PDE4D: variants seen among roughly 807,000 people sequenced by gnomAD.
PDE4D encodes phosphodiesterase 4D.
PDE4D carries 24 observed loss-of-function variants against 87.4 expected under a neutral mutation model. The observed-to-expected ratio is 0.27, with a 90% CI of 0.20 to 0.39. PDE4D has a LOEUF of 0.39. Among genes scored for constraint, PDE4D ranks in the 10% least tolerant of loss-of-function variants. The probability of loss-of-function intolerance (pLI) is 1.00; values close to 1 mark genes in which losing one functional copy is unlikely to be tolerated. For missense variants in PDE4D, 714 were observed against 1,041.0 expected (o/e 0.69, Z 4.32); for synonymous variants, 384 against 383.2 (o/e 1.00, Z -0.02).
chr5:59,278,964 G>A (rs531995570), intron 1 of PDE4D, among the ~76,000 whole-genome samples: 3 of 152,122 alleles, frequency 2.0e-5, no homozygotes, highest in African/African-American at 7.2e-5. Flanking sequence ...TTTATCCATG[G>A]ATTAAACATT....
intron 2 of PDE4D, among the ~76,000 whole-genome samples, chr5:60,172,571 G>C (rs1783564359): frequency 6.6e-6 from 1 of 152,034 alleles, no homozygotes; most frequent in South Asian, 2.1e-4. Flanking sequence ...TCTCTTCCCA[G>C]CTTGAGGCAA....
At chr5:59,330,556 C>A (rs996919977) in intron 1 of PDE4D, among the ~76,000 whole-genome samples, 3 of 152,198 alleles carry the variant, frequency 2.0e-5, no homozygotes, top group Non-Finnish European at 4.4e-5. Context: ...ACATTCAAAT[C>A]ACCAAGCTAC....
chr5:59,603,248 A>G (rs295953), intron 1 of PDE4D, among the ~76,000 whole-genome samples: 131,079 of 151,938 alleles, frequency 0.86, 56,603 homozygotes, highest in South Asian at 0.93. Flanking sequence ...TTTACAAGCT[A>G]TACCTCTAAT....
At chr5:59,331,900 C>A (rs542274609) in intron 1 of PDE4D, among the ~76,000 whole-genome samples, 3 of 152,154 alleles carry the variant, frequency 2.0e-5, no homozygotes, top group Non-Finnish European at 2.9e-5. Context: ...CTTACTTTAG[C>A]GCCAGCTTTT....
At position 60,042,522 on chromosome 5, in the gene PDE4D, C is replaced by T. The variant is rs375163068; in HGVS notation, c.43-53805G>A. On this transcript the variant is annotated intron_variant, in intron 2 of 16. Transcript: ENST00000502484. The stretch of plus-strand genomic sequence containing the variant: ...CTGGGAGATACTTCCCAGCAGGGGT[C>T]GACAGACACCTCATACAGGAGAGAT... Among the ~76,000 whole-genome samples, 57 of 152,266 alleles carry T rather than the reference C, an allele frequency of 3.7e-4. 1 individual carries two copies. The highest frequency in any genetic ancestry group is 2.1e-3 in the East Asian group (11 of 5,172).
intron 1 of PDE4D, among the ~76,000 whole-genome samples, chr5:59,223,317 AG>A (rs1174404901): frequency 6.6e-6 from 1 of 152,202 alleles, no homozygotes; most frequent in African/African-American, 2.4e-5. Context: ...TATAATGAGC[AG>A]AAACAGTCCT....
intron 1 of PDE4D, among the ~76,000 whole-genome samples, chr5:60,427,287 G>C (rs1268414761): frequency 6.6e-6 from 1 of 152,102 alleles, no homozygotes; most frequent in Admixed American, 6.5e-5. Flanking sequence ...AAGATAAAGA[G>C]GAAATATTAA....
At chr5:59,896,461 C>G (rs981865051), upstream of PDE4D, among the ~76,000 whole-genome samples, 1 of 152,014 alleles carries the variant, frequency 6.6e-6, no homozygotes, top group Non-Finnish European at 1.5e-5. Context: ...ACACAAAGAC[C>G]CAGGCTCCAT....
intron 1 of PDE4D, among the ~76,000 whole-genome samples, chr5:60,300,770 T>C (rs1753821212): frequency 1.3e-5 from 2 of 151,890 alleles, no homozygotes; most frequent in Non-Finnish European, 2.9e-5. Context: ...ATCTGTTCTT[T>C]TTTTTTTTCT....
chr5:60,278,873 ACT>A (rs1417645318), intron 1 of PDE4D, among the ~76,000 whole-genome samples: 2 of 151,942 alleles, frequency 1.3e-5, no homozygotes, highest in Non-Finnish European at 2.9e-5. Context: ...TTGTCAAATA[ACT>A]CTAACACCTC....
At chr5:59,423,880 A>G (rs377557593) in intron 1 of PDE4D, among the ~76,000 whole-genome samples, 1 of 150,606 alleles carries the variant, frequency 6.6e-6, no homozygotes, top group Non-Finnish European at 1.5e-5. Flanking sequence ...TCATGATGGC[A>G]TTTTAGAAAG....
At chr5:59,865,029 C>T (rs1746813493) in intron 1 of PDE4D, among the ~76,000 whole-genome samples, 1 of 152,140 alleles carries the variant, frequency 6.6e-6, no homozygotes, top group Non-Finnish European at 1.5e-5. Context: ...CTGGGACAGG[C>T]TCAGCCAAGA....
At chr5:59,283,576 C>T (rs1395170614) in intron 1 of PDE4D, among the ~76,000 whole-genome samples, 1 of 151,950 alleles carries the variant, frequency 6.6e-6, no homozygotes, top group African/African-American at 2.4e-5. Context: ...CTAATTTTTC[C>T]CACCCTATAT....
At chr5:59,457,043 A>G (rs1164737581) in intron 1 of PDE4D, among the ~76,000 whole-genome samples, 4 of 152,266 alleles carry the variant, frequency 2.6e-5, no homozygotes, top group Admixed American at 1.3e-4. Flanking sequence ...ATATAAACTT[A>G]GCTGATACAG....
intron 1 of PDE4D, among the ~76,000 whole-genome samples, chr5:59,384,401 C>T (rs1786544661): frequency 6.6e-6 from 1 of 152,112 alleles, no homozygotes; most frequent in East Asian, 1.9e-4. Context: ...TGAGACTCTC[C>T]ATCTCTTCCC....
intron 5 of PDE4D, among the ~76,000 whole-genome samples, chr5:59,068,897 G>T (rs936561921): frequency 6.6e-6 from 1 of 152,094 alleles, no homozygotes; most frequent in African/African-American, 2.4e-5. Context: ...TCATCAAATT[G>T]TAATTATTAT....
chr5:59,766,076 A>G (rs1762754642), intron 1 of PDE4D, among the ~76,000 whole-genome samples: 1 of 152,244 alleles, frequency 6.6e-6, no homozygotes, highest in Non-Finnish European at 1.5e-5. Flanking sequence ...TATTTATGTC[A>G]GAACAATTTG....
rs1561762141 is a variant in PDE4D, at chr5:59,849,230, T to C, written c.455+43938A>G. Among the ~76,000 whole-genome samples the C allele has an allele frequency of 3.3e-5, 5 of 152,124 alleles. No individual in the cohort carries two copies. In the South Asian group the frequency reaches 1.0e-3, roughly 31 times the overall value. On this transcript the variant is annotated intron_variant, in intron 1 of 14. Coordinates refer to ENST00000340635, the MANE Select transcript of PDE4D (RefSeq NM_001104631.2). ...TCATCTGGAAAACTAAAAAAAATTA[T>C]AGAATGCTTTTTCAAGAAAAAAATC... is the stretch of plus-strand genomic sequence containing the variant.
intron 2 of PDE4D, among the ~76,000 whole-genome samples, chr5:59,208,193 G>A (rs1321984859): frequency 1.3e-5 from 2 of 151,954 alleles, no homozygotes; most frequent in Non-Finnish European, 2.9e-5. Context: ...AGAAGTGAGT[G>A]CAAATACTGA....
Sources: allele counts gnomAD v4.1 joint callset (sites outside exome capture counted in the v4.1 genomes callset), GRCh38; gene constraint gnomAD v4.1.1; transcripts MANE v1.5; gene names NCBI Gene and HGNC (gene_info 2026-07-23, HGNC 2026-07-21).